Variants in WDHD1 observed in about 807,000 individuals in gnomAD.
WDHD1 encodes the protein WD repeat and HMG-box DNA-binding protein 1.
In WDHD1, 111 loss-of-function variants were observed where a neutral mutation model predicts 135.4. That is an observed-to-expected ratio of 0.82 (90% CI 0.70 to 0.96). The LOEUF (loss-of-function observed/expected upper bound fraction) is 0.96. Among genes scored for constraint, WDHD1 ranks in the 40% least tolerant of loss-of-function variants. The pLI, the probability that WDHD1 is intolerant of heterozygous loss-of-function variation, is 0.00. For synonymous variants in WDHD1, 434 were observed against 439.0 expected (o/e 0.99, Z 0.14); for missense variants, 1,351 against 1,336.3 (o/e 1.01, Z -0.17).
At chr14:54,959,859 G>A (rs1432928006) in intron 21 of WDHD1, among the ~76,000 whole-genome samples, 3 of 152,002 alleles carry the variant, frequency 2.0e-5, no homozygotes, top group African/African-American at 7.3e-5. Flanking sequence ...TATTTATCTC[G>A]TTTCTGAAAA....
At chr14:55,000,852 G>A in intron 9 of WDHD1, 34 bp downstream of exon 9, 1 of 1,435,200 alleles carries the variant, frequency 7.0e-7, no homozygotes, top group Non-Finnish European at 9.3e-7. Flanking sequence ...ATAGAGATGA[G>A]CAAAGAAGAG....
intron 24 of WDHD1, among the ~76,000 whole-genome samples, chr14:54,948,252 G>A (rs746322679): frequency 1.3e-5 from 2 of 152,058 alleles, no homozygotes; most frequent in African/African-American, 2.4e-5. Context: ...GCAGGGCAAG[G>A]CATCACCTCA....
intron 11 of WDHD1, among the ~76,000 whole-genome samples, chr14:54,994,115 T>C (rs1333682680): frequency 1.3e-5 from 2 of 152,122 alleles, no homozygotes; most frequent in African/African-American, 2.4e-5. Context: ...TTTCTTCATT[T>C]TACTTGATAA....
chr14:55,023,699 A>G (rs1447447561), intron 2 of WDHD1, among the ~76,000 whole-genome samples: 2 of 152,236 alleles, frequency 1.3e-5, no homozygotes, highest in Non-Finnish European at 2.9e-5. Flanking sequence ...CATGAGCATC[A>G]TACAGTGTTT....
At chr14:54,945,791 G>A (rs555842090) in intron 24 of WDHD1, among the ~76,000 whole-genome samples, 247 of 152,154 alleles carry the variant, frequency 1.6e-3, no homozygotes, top group South Asian at 3.3e-3. Flanking sequence ...CACTCGCCTC[G>A]GCCTCCCAAA....
intron 7 of WDHD1, 35 bp downstream of exon 7, chr14:55,007,245 A>AAAAG (rs2042088257): frequency 4.1e-6 from 6 of 1,478,908 alleles, no homozygotes; most frequent in Admixed American, 2.1e-5. Flanking sequence ...AAAAAAAAAA[A>AAAAG]AAAAGAAAAG....
At chr14:54,971,317 C>T (rs1467864366) in intron 16 of WDHD1, among the ~76,000 whole-genome samples, 1 of 152,182 alleles carries the variant, frequency 6.6e-6, no homozygotes, top group Non-Finnish European at 1.5e-5. Context: ...TGGCTCACAT[C>T]TGTAATCCCA....
intron 2 of WDHD1, among the ~76,000 whole-genome samples, chr14:55,019,970 C>T (rs1044009599): frequency 2.6e-5 from 4 of 152,194 alleles, no homozygotes; most frequent in African/African-American, 9.7e-5. Context: ...TGATTACCAA[C>T]GCATTTCTTA....
Position 54,940,145 on chromosome 14 carries a change from T to G in WDHD1, c.*1345A>C, listed in dbSNP as rs898050308. On this transcript the variant is annotated 3_prime_UTR_variant, in exon 26 of 26. Transcript: ENST00000360586. ...ACTAAGGGCTTTCATTTCATTCAAT[T>G]CTCATAACAACCTATAAAGTAGGTA... The G allele has an allele frequency of 6.6e-6, 1 of 152,150 alleles. No individual in the cohort carries two copies. The highest frequency in any genetic ancestry group is 1.5e-5 in the Non-Finnish European group (1 of 68,018). 9.4% of individuals were successfully genotyped at this position (152,150 alleles called of 1,614,324 possible).
At chr14:54,943,911 C>T (rs559471681) in intron 25 of WDHD1, among the ~76,000 whole-genome samples, 4 of 151,842 alleles carry the variant, frequency 2.6e-5, no homozygotes, top group South Asian at 2.1e-4. Flanking sequence ...GATCACACCA[C>T]GACACTCCTG....
intron 24 of WDHD1, among the ~76,000 whole-genome samples, chr14:54,947,739 G>A (rs1220776710): frequency 6.6e-6 from 1 of 151,826 alleles, no homozygotes; most frequent in Non-Finnish European, 1.5e-5. Context: ...TTACAGGCAT[G>A]AGCCACCATA....
chr14:54,956,670 T>C (rs1030470580), intron 23 of WDHD1, among the ~76,000 whole-genome samples: 15 of 152,224 alleles, frequency 9.9e-5, no homozygotes, highest in Admixed American at 8.5e-4. Flanking sequence ...AGGATAGTGA[T>C]CTTGGAAGTC....
At chr14:54,948,265 C>A (rs8003017) in intron 24 of WDHD1, among the ~76,000 whole-genome samples, 1 of 152,036 alleles carries the variant, frequency 6.6e-6, no homozygotes, top group Non-Finnish European at 1.5e-5. Context: ...TCACCTCACC[C>A]GGGAAGCGCA....
chr14:54,982,976 C>T (rs987814969), intron 15 of WDHD1, among the ~76,000 whole-genome samples: 20 of 151,970 alleles, frequency 1.3e-4, no homozygotes, highest in African/African-American at 4.8e-4. Context: ...ACCAGCCTAG[C>T]CAACATGACA....
At position 54,962,553 on chromosome 14, in the gene WDHD1, T is replaced by C; in HGVS notation, c.2648-2A>G. On this transcript the variant is annotated splice_acceptor_variant, in intron 20 of 25. Transcript: ENST00000360586. LOFTEE classifies it high-confidence loss of function. ...TACTTTTGGAAAACGAGTTCTGTCC[T>C]ACAGATTAAAATAAAGCAATATAAT... The C allele has an allele frequency of 6.2e-7, 1 of 1,607,328 alleles. No homozygotes were observed. Among genetic ancestry groups the C allele is most frequent in the Non-Finnish European group, 8.5e-7 (1 of 1,175,180 alleles).
chr14:54,991,275 T>C lies in WDHD1; in HGVS notation c.1279A>G (p.Thr427Ala), dbSNP rs926175663. 13 of 1,613,032 alleles carry C rather than the reference T, an allele frequency of 8.1e-6. No individual in the cohort carries two copies. The highest frequency in any genetic ancestry group is 6.7e-5 in the East Asian group (3 of 44,870). Residue 427 changes from threonine (T) to alanine (A), a missense_variant, in exon 12 of 26, where the codon ACT becomes GCT. Thr to Ala is a moderately conservative substitution (Grantham distance 58). Transcript: ENST00000360586. ...QRPFYDGPMP[T>A]PRQKPFQSGS... ...GACTGAAATGGCTTTTGCCGGGGAG[T>C]TGGCATGGGTCCATCATAAAATGGC...
At chr14:55,017,435 C>T (rs1187523790) in intron 2 of WDHD1, among the ~76,000 whole-genome samples, 1 of 151,682 alleles carries the variant, frequency 6.6e-6, no homozygotes, top group African/African-American at 2.4e-5. Flanking sequence ...CTCCACTTCC[C>T]AGGTTCAAGT....
chr14:54,995,499 A>T, intron 11 of WDHD1, 104 bp downstream of exon 11: 1 of 910,146 alleles, frequency 1.1e-6, no homozygotes, highest in Non-Finnish European at 1.6e-6. Context: ...TCTAAGCACC[A>T]CTTAGCTACA....
intron 25 of WDHD1, among the ~76,000 whole-genome samples, chr14:54,942,362 C>T (rs1018503545): frequency 6.6e-6 from 1 of 152,080 alleles, no homozygotes. Context: ...TCCTGTGTAG[C>T]CTTCACCCAG....
Sources: gnomAD v4.1 joint callset for allele counts (sites outside exome capture counted in the v4.1 genomes callset) on GRCh38, gnomAD v4.1.1 for gene constraint, MANE v1.5 for transcripts, NCBI Gene and HGNC (gene_info 2026-07-23, HGNC 2026-07-21) for gene names.